Variants in TANGO6 observed in about 807,000 individuals in gnomAD.
TANGO6 encodes the protein transport and golgi organization 6 homolog.
A neutral mutation model predicts 114.2 loss-of-function variants in TANGO6; 90 were observed. The observed-to-expected ratio is 0.79, with a 90% CI of 0.66 to 0.94. The LOEUF (loss-of-function observed/expected upper bound fraction) is 0.94. TANGO6 is among the 40% of genes least tolerant of loss of function. The probability of loss-of-function intolerance (pLI) is 0.00; values close to 1 mark genes in which losing one functional copy is unlikely to be tolerated. For synonymous variants in TANGO6, 477 were observed against 509.8 expected (o/e 0.94, Z 0.87); for missense variants, 1,274 against 1,315.3 (o/e 0.97, Z 0.49).
Position 69,083,832 on chromosome 16 carries a change from G to C in TANGO6, c.*171G>C, listed in dbSNP as rs1306964464. 1.5e-6 allele frequency: 1 copy of C among 648,196 alleles called. No individual in the cohort carries two copies. Among genetic ancestry groups the C allele is most frequent in the East Asian group, 2.8e-5 (1 of 36,156 alleles). The allele number at this position is 648,196 out of a possible 1,614,324, so 40.2% of individuals were successfully genotyped here. A position where few individuals can be genotyped will look rare whatever the true frequency, so the allele number is the denominator to read the frequency against. On this transcript the variant is annotated 3_prime_UTR_variant, in exon 18 of 18. Coordinates refer to ENST00000261778, the MANE Select transcript of TANGO6 (RefSeq NM_024562.2). ...TCTTCAGGGTCCCTTCCGAGGGCAT[G>C]TGTTCAGCACTCCCGCGTTCAGCCT... is the stretch of plus-strand genomic sequence containing the variant.
chr16:68,893,696 A>C (rs1962663016), intron 7 of TANGO6, among the ~76,000 whole-genome samples: 1 of 146,560 alleles, frequency 6.8e-6, no homozygotes, highest in African/African-American at 2.6e-5. Context: ...AGATCACGCC[A>C]CTGCATTCCT....
chr16:68,900,688 A>G (rs1241738398), intron 8 of TANGO6, 142 bp downstream of exon 8: 1 of 724,412 alleles, frequency 1.4e-6, no homozygotes, highest in South Asian at 2.0e-5. Context: ...GGATCTTCCT[A>G]TTTTGCTCAT....
At chr16:69,028,075 T>G (rs1486162548) in intron 16 of TANGO6, among the ~76,000 whole-genome samples, 6 of 152,140 alleles carry the variant, frequency 3.9e-5, no homozygotes, top group Non-Finnish European at 8.8e-5. Context: ...TTCTCCTGCC[T>G]CAGCCTCCCC....
intron 17 of TANGO6, among the ~76,000 whole-genome samples, chr16:69,078,527 T>C (rs1960421291): frequency 6.6e-6 from 1 of 152,134 alleles, no homozygotes; most frequent in Non-Finnish European, 1.5e-5. Context: ...GGCCTCTCTT[T>C]TCTCTGATGT....
chr16:68,920,880 G>A (rs187031459), intron 12 of TANGO6, among the ~76,000 whole-genome samples: 40 of 151,940 alleles, frequency 2.6e-4, no homozygotes, highest in Non-Finnish European at 4.1e-4. Flanking sequence ...TTGGGAGGCC[G>A]AGGTGGGCGG....
chr16:68,898,014 C>G (rs1962730128), intron 7 of TANGO6, among the ~76,000 whole-genome samples: 1 of 151,700 alleles, frequency 6.6e-6, no homozygotes, highest in African/African-American at 2.4e-5. Flanking sequence ...TTTTTGTTTT[C>G]TTTGTTGTTC....
At chr16:68,918,943 C>A in intron 11 of TANGO6, 142 bp from the exon 12 acceptor site, 2 of 963,542 alleles carry the variant, frequency 2.1e-6, no homozygotes, top group South Asian at 1.8e-5. Flanking sequence ...ATCACATCTG[C>A]ATGGTAAGTA....
At chr16:68,863,720 A>G (rs1457320533) in intron 3 of TANGO6, among the ~76,000 whole-genome samples, 1 of 152,242 alleles carries the variant, frequency 6.6e-6, no homozygotes, top group African/African-American at 2.4e-5. Flanking sequence ...TTCTTTTAGC[A>G]CAACTATCTG....
At chr16:68,939,603 A>G (rs1453435238) in intron 14 of TANGO6, among the ~76,000 whole-genome samples, 1 of 150,756 alleles carries the variant, frequency 6.6e-6, no homozygotes, top group Non-Finnish European at 1.5e-5. Context: ...TTTGCCATAA[A>G]GCATGGATAT....
chr16:69,065,345 C>T (rs1960198418), intron 17 of TANGO6, among the ~76,000 whole-genome samples: 2 of 152,204 alleles, frequency 1.3e-5, no homozygotes, highest in East Asian at 3.8e-4. Flanking sequence ...TTGTTTAGGA[C>T]TCCTGAGCTA....
chr16:69,035,788 A>G (rs1959676012), intron 16 of TANGO6: 1 of 152,316 alleles, frequency 6.6e-6, no homozygotes, highest in South Asian at 2.1e-4. Flanking sequence ...CCAGTGGCTC[A>G]CGCCTATAAT....
At chr16:68,897,613 T>C (rs1962723566) in intron 7 of TANGO6, among the ~76,000 whole-genome samples, 1 of 151,336 alleles carries the variant, frequency 6.6e-6, no homozygotes, top group Non-Finnish European at 1.5e-5. Context: ...TGTTTTACTC[T>C]TGTTGCCCAG....
At chr16:68,875,368 G>A in intron 5 of TANGO6, 78 bp downstream of exon 5, 1 of 1,493,454 alleles carries the variant, frequency 6.7e-7, no homozygotes, top group Non-Finnish European at 9.1e-7. Context: ...TGTTCCTCTA[G>A]TATTGAGATA....
chr16:68,944,237 A>G (rs1035353192), intron 14 of TANGO6, among the ~76,000 whole-genome samples: 2 of 152,204 alleles, frequency 1.3e-5, no homozygotes, highest in African/African-American at 4.8e-5. Flanking sequence ...TTGTAATTAA[A>G]CTTATCTAGG....
At chr16:68,855,162 C>T (rs942893168) in intron 1 of TANGO6, among the ~76,000 whole-genome samples, 4 of 149,332 alleles carry the variant, frequency 2.7e-5, no homozygotes, top group African/African-American at 9.8e-5. Flanking sequence ...AGCTGAGATC[C>T]GCCATTGCAC....
intron 9 of TANGO6, among the ~76,000 whole-genome samples, chr16:68,907,099 A>ATTTTTTTTTTTTTTT (rs546359676): frequency 1.6e-4 from 18 of 114,590 alleles, no homozygotes; most frequent in Non-Finnish European, 2.1e-4. Context: ...CCAGACCTTG[A>ATTTTTTTTTTTTTTT]TTTTTTTTTT....
chr16:68,851,580 G>T (rs1961903335), intron 1 of TANGO6, among the ~76,000 whole-genome samples: 2 of 152,122 alleles, frequency 1.3e-5, no homozygotes, highest in South Asian at 4.1e-4. Flanking sequence ...TGGACATTTG[G>T]GTTGTTTTCA....
intron 15 of TANGO6, among the ~76,000 whole-genome samples, chr16:68,976,134 A>G (rs1380289010): frequency 1.3e-5 from 2 of 152,056 alleles, no homozygotes; most frequent in Non-Finnish European, 2.9e-5. Flanking sequence ...GGGTTTTACC[A>G]TGTTGCCCAG....
intron 14 of TANGO6, among the ~76,000 whole-genome samples, chr16:68,935,837 T>C (rs901453601): frequency 3.9e-5 from 6 of 152,198 alleles, no homozygotes; most frequent in Non-Finnish European, 7.3e-5. Context: ...GAATGAAGTA[T>C]ATAAGGTAAA....
Sources: allele counts gnomAD v4.1 joint callset (sites outside exome capture counted in the v4.1 genomes callset), GRCh38; gene constraint gnomAD v4.1.1; transcripts MANE v1.5; gene names NCBI Gene and HGNC (gene_info 2026-07-23, HGNC 2026-07-21).